Variants in PEMT observed in about 807,000 individuals in gnomAD.
PEMT encodes the protein phospholipid methyltransferase.
Under a neutral mutation model 27.4 loss-of-function variants are expected in PEMT, and 23 were observed. The observed-to-expected ratio is 0.84, with a 90% CI of 0.60 to 1.19. PEMT has a LOEUF of 1.19. Among genes scored for constraint, PEMT ranks in the 50% most tolerant of loss-of-function variants. The pLI, the probability that PEMT is intolerant of heterozygous loss-of-function variation, is 0.00. For synonymous variants in PEMT, 137 were observed against 139.1 expected, an observed-to-expected ratio of 0.98 and a Z score of 0.11; for missense variants, 307 against 310.1, an observed-to-expected ratio of 0.99 and a Z score of 0.07.
chr17:17,535,931 C>A (rs1472213730), intron 2 of PEMT, among the ~76,000 whole-genome samples: 1 of 152,228 alleles, frequency 6.6e-6, no homozygotes, highest in East Asian at 1.9e-4. Flanking sequence ...GGGTGACAGT[C>A]CCCATCGGTG....
At chr17:17,567,234 GT>G (rs1910886739) in intron 2 of PEMT, among the ~76,000 whole-genome samples, 1 of 152,224 alleles carries the variant, frequency 6.6e-6, no homozygotes, top group Non-Finnish European at 1.5e-5. Flanking sequence ...CCTCCCTTTT[GT>G]TCCTGTCCAT....
At chr17:17,567,648 G>A (rs1407015736) in intron 2 of PEMT, among the ~76,000 whole-genome samples, 2 of 152,274 alleles carry the variant, frequency 1.3e-5, no homozygotes, top group African/African-American at 4.8e-5. Context: ...CATTCGTTCT[G>A]CAGGAGTCCA....
rs868720552 is a variant in PEMT at position 17,579,062 on chromosome 17, G to A, written c.97-2035C>T. On this transcript the variant is annotated intron_variant, in intron 1 of 6. Transcript: ENST00000255389. Reference sequence around the variant, plus strand: ...AATACAGTAAATTCCTTCAAAGAGCGCTTTGATCTCCCACATTTTGGGGAA... The same window carrying A: ...AATACAGTAAATTCCTTCAAAGAGCACTTTGATCTCCCACATTTTGGGGAA... Among the ~76,000 whole-genome samples the A allele has an allele frequency of 5.9e-5, 9 of 152,274 alleles. No individual in the cohort carries two copies. In the Middle Eastern group the frequency reaches 0.014, roughly 230 times the overall value.
intron 2 of PEMT, among the ~76,000 whole-genome samples, chr17:17,567,698 G>C (rs985681849): frequency 6.6e-6 from 1 of 152,368 alleles, no homozygotes; most frequent in South Asian, 2.1e-4. Flanking sequence ...GGAGAGCTAG[G>C]AGGGCCACAG....
In PEMT at chr17:17,582,598, C is replaced by T. The variant is rs1288343297; in HGVS notation, c.97-5571G>A. On this transcript the variant is annotated intron_variant, in intron 1 of 6. Transcript: ENST00000255389. The surrounding 1 kb of genome is among the most constrained non-coding windows in gnomAD (Gnocchi z 4.9). ...GGACAGGTCCTCCTGGGATCCATCA[C>T]CCCTGCAGAATCTGCCTGCAGCGCT... 6.6e-6 allele frequency among the ~76,000 whole-genome samples: 1 copy of T among 152,236 alleles called. No individual in the cohort carries two copies. Among genetic ancestry groups the T allele is most frequent in the African/African-American group, 2.4e-5 (1 of 41,468 alleles).
At chr17:17,508,484 G>A (rs971979861) in intron 5 of PEMT, among the ~76,000 whole-genome samples, 4 of 152,238 alleles carry the variant, frequency 2.6e-5, no homozygotes, top group African/African-American at 9.7e-5. Flanking sequence ...GCAACATCTT[G>A]CGCTTGACAT....
At chr17:17,590,254 C>T (rs993582414) in intron 1 of PEMT, among the ~76,000 whole-genome samples, 5 of 152,232 alleles carry the variant, frequency 3.3e-5, no homozygotes, top group South Asian at 2.1e-4. Context: ...TAGTCTTCTT[C>T]CTGTCCTCTG....
At chr17:17,571,519 T>C (rs1192701786) in intron 2 of PEMT, among the ~76,000 whole-genome samples, 1 of 151,738 alleles carries the variant, frequency 6.6e-6, no homozygotes, top group Non-Finnish European at 1.5e-5. Context: ...CTAGGAAGCC[T>C]GGGAGGGAAG....
intron 5 of PEMT, chr17:17,507,247 G>A: frequency 6.9e-7 from 1 of 1,458,300 alleles, no homozygotes; most frequent in Non-Finnish European, 9.4e-7. Flanking sequence ...GAAGGAGAGG[G>A]AGGAAAGGAG....
At chr17:17,544,284 C>CTTT (rs200066506) in intron 2 of PEMT, among the ~76,000 whole-genome samples, 1 of 143,784 alleles carries the variant, frequency 7.0e-6, no homozygotes, top group Non-Finnish European at 1.5e-5. Context: ...TTTTTCTTTT[C>CTTT]TTTTTTTTTT....
chr17:17,505,891 G>T lies in PEMT; in HGVS notation c.654-43C>A, dbSNP rs1271775307. Reference sequence around the variant, plus strand: ...GAGGCTTCGGTCAGCAGGTCCTGGGGGTGACCCACTGCCCGCACCAGAGCT... The same window carrying T: ...GAGGCTTCGGTCAGCAGGTCCTGGGTGTGACCCACTGCCCGCACCAGAGCT... On this transcript the variant is annotated intron_variant, in intron 6 of 6. Transcript: ENST00000255389. The T allele has an allele frequency of 2.5e-6, 4 of 1,581,930 alleles. No individual in the cohort carries two copies. In the African/African-American group the frequency reaches 5.4e-5, roughly 21 times the overall value.
rs184085513 is a variant in PEMT, at chr17:17,523,988, C to T, written c.205-1593G>A. 4.6e-5 allele frequency among the ~76,000 whole-genome samples: 7 copies of T among 152,250 alleles called. No individual in the cohort carries two copies. The East Asian group carries it at 7.7e-4, about 17-fold the overall frequency. On this transcript the variant is annotated intron_variant, in intron 2 of 6. Transcript: ENST00000255389. The surrounding 1 kb of genome is among the most constrained non-coding windows in gnomAD (Gnocchi z 4.8). ...TTGCTATGGATTCACCTATTCTGGA[C>T]GTTTCATATAAACTGAATCACACAC...
At chr17:17,579,995 G>A (rs548676874) in intron 1 of PEMT, among the ~76,000 whole-genome samples, 3 of 152,280 alleles carry the variant, frequency 2.0e-5, no homozygotes, top group African/African-American at 7.2e-5. Context: ...CTGGGGCTGT[G>A]AGCCTAGGCC....
At chr17:17,547,993 C>T (rs189175021) in intron 2 of PEMT, among the ~76,000 whole-genome samples, 2 of 152,314 alleles carry the variant, frequency 1.3e-5, no homozygotes, top group Non-Finnish European at 2.9e-5. Context: ...AGAGCCAGTG[C>T]GCAGGCCACC....
chr17:17,591,631 G>A lies in PEMT; in HGVS notation c.-5C>T, dbSNP rs368150265. On this transcript the variant is annotated 5_prime_UTR_variant, in exon 1 of 7. Coordinates refer to ENST00000255389, the MANE Select transcript of PEMT (RefSeq NM_148172.3). ...CGGGTTCCCAGATCTCTTCATCCGG[G>A]GGCCGCCTCAGGAGGCACCACGCGG... 9.9e-6 allele frequency: 16 copies of A among 1,610,296 alleles called. No homozygotes were observed. In the African/African-American group the frequency reaches 1.5e-4, roughly 15 times the overall value.
chr17:17,553,355 G>A (rs560924544), intron 2 of PEMT, among the ~76,000 whole-genome samples: 4 of 152,296 alleles, frequency 2.6e-5, no homozygotes, highest in African/African-American at 9.6e-5. Flanking sequence ...TGCACACTTC[G>A]GACTTTCCCT....
Position 17,505,794 on chromosome 17 carries a change from G to A in PEMT, c.708C>T (p.Ser236=), listed in dbSNP as rs1328294525. The change falls in exon 7 of 7, where the codon AGC becomes AGT. Residue 236 remains serine (S), a synonymous_variant. Transcript: ENST00000255389. ...CAGCAAAGCTGTTGCAGCTCAATCA[G>A]CTCCTCTTGTGGGACCCGGAGGCTT... ...RQKASGSHKR[S] The A allele has an allele frequency of 6.2e-7, 1 of 1,610,520 alleles. No homozygotes were observed. Among genetic ancestry groups the A allele is most frequent in the Admixed American group, 1.7e-5 (1 of 59,634 alleles).
chr17:17,586,252 G>GAAAGAA (rs1912271268), intron 1 of PEMT, among the ~76,000 whole-genome samples: 1 of 100,356 alleles, frequency 1.0e-5, no homozygotes, highest in African/African-American at 4.4e-5. Context: ...AAGAAAGAAA[G>GAAAGAA]AAAGAAAGAA....
At chr17:17,543,055 C>T (rs1909000019) in intron 2 of PEMT, among the ~76,000 whole-genome samples, 1 of 152,242 alleles carries the variant, frequency 6.6e-6, no homozygotes, top group Non-Finnish European at 1.5e-5. Flanking sequence ...GGTTCCCAGA[C>T]CAGCAGCACC....
Sources: allele counts gnomAD v4.1 joint callset (sites outside exome capture counted in the v4.1 genomes callset), GRCh38; gene constraint gnomAD v4.1.1; non-coding constraint Gnocchi (gnomAD v3.1); transcripts MANE v1.5; gene names NCBI Gene and HGNC (gene_info 2026-07-23, HGNC 2026-07-21).